The following PIGU variants were observed in gnomAD, a reference collection of about 807,000 sequenced individuals.
The protein encoded by PIGU is phosphatidylinositol glycan anchor biosynthesis class U.
Under a neutral mutation model 49.9 loss-of-function variants are expected in PIGU, and 24 were observed. That is an observed-to-expected ratio of 0.48 (90% CI 0.35 to 0.68). The LOEUF (loss-of-function observed/expected upper bound fraction) is 0.68. PIGU is among the 30% of genes least tolerant of loss of function. The pLI is 0.01. For missense variants in PIGU, 490 were observed against 532.6 expected (o/e 0.92, Z 0.79); for synonymous variants, 220 against 205.7 (o/e 1.07, Z -0.59).
intron 5 of PIGU, among the ~76,000 whole-genome samples, chr20:34,636,869 T>C (rs1489427822): frequency 6.6e-6 from 1 of 152,126 alleles, no homozygotes; most frequent in Non-Finnish European, 1.5e-5. Flanking sequence ...TTTTCAGCAA[T>C]TACAGACAGG....
chr20:34,663,483 A>G (rs1234055209), intron 1 of PIGU, among the ~76,000 whole-genome samples: 1 of 152,098 alleles, frequency 6.6e-6, no homozygotes, highest in African/African-American at 2.4e-5. Flanking sequence ...TATCAAATAA[A>G]CAAAAACAGA....
At chr20:34,572,059 G>A (rs1041960389) in intron 11 of PIGU, among the ~76,000 whole-genome samples, 6 of 152,266 alleles carry the variant, frequency 3.9e-5, no homozygotes, top group Middle Eastern at 3.4e-3. Context: ...TGCCAAAGGC[G>A]TAAAATGCAT....
chr20:34,659,204 G>C (rs550910152), intron 1 of PIGU, among the ~76,000 whole-genome samples: 2 of 140,294 alleles, frequency 1.4e-5, no homozygotes, highest in African/African-American at 5.3e-5. Context: ...GAGGGAGGTG[G>C]GGGGGTCAGC....
chr20:34,573,727 C>A (rs1281384522), intron 11 of PIGU, among the ~76,000 whole-genome samples: 3 of 152,250 alleles, frequency 2.0e-5, no homozygotes, highest in Non-Finnish European at 4.4e-5. Context: ...CAATTGAGCC[C>A]TGCAGAATTC....
Position 34,636,260 on chromosome 20 carries a change from C to T in PIGU, c.429-1545G>A, listed in dbSNP as rs903666246. 6.0e-5 allele frequency among the ~76,000 whole-genome samples: 9 copies of T among 149,940 alleles called. No homozygotes were observed. The South Asian group carries it at 1.1e-3, about 18-fold the overall frequency. On this transcript the variant is annotated intron_variant, in intron 5 of 11. Transcript: ENST00000217446. Reference sequence around the variant, plus strand: ...CAAAGTACAAATAGAAATAAAGAATCGGCCAGGAGCAATAACTCATGCCTG... The same window carrying T: ...CAAAGTACAAATAGAAATAAAGAATTGGCCAGGAGCAATAACTCATGCCTG...
intron 6 of PIGU, among the ~76,000 whole-genome samples, chr20:34,620,282 A>G (rs1255389932): frequency 2.0e-5 from 3 of 152,026 alleles, no homozygotes; most frequent in Non-Finnish European, 4.4e-5. Context: ...ACTATTCCCA[A>G]TTTCTGAAAA....
chr20:34,660,761 A>T (rs1240418182), intron 1 of PIGU, among the ~76,000 whole-genome samples: 1 of 152,244 alleles, frequency 6.6e-6, no homozygotes, highest in Non-Finnish European at 1.5e-5. Context: ...AGTCTGAGGA[A>T]GTATCCCAGA....
At chr20:34,619,221 T>C (rs1478993409) in intron 6 of PIGU, among the ~76,000 whole-genome samples, 5 of 152,192 alleles carry the variant, frequency 3.3e-5, no homozygotes, top group African/African-American at 1.2e-4. Context: ...CTCATAAATA[T>C]GACTGTGTAG....
chr20:34,636,618 C>A (rs1985972889), intron 5 of PIGU, among the ~76,000 whole-genome samples: 1 of 152,092 alleles, frequency 6.6e-6, no homozygotes, highest in African/African-American at 2.4e-5. Flanking sequence ...GAAGGACCAC[C>A]AAATGGATAT....
intron 1 of PIGU, among the ~76,000 whole-genome samples, chr20:34,669,258 A>C (rs1366936314): frequency 6.6e-6 from 1 of 152,172 alleles, no homozygotes; most frequent in African/African-American, 2.4e-5. Context: ...AGTTTTGATC[A>C]CTGTACTATG....
Position 34,581,103 on chromosome 20 carries a change from G to C in PIGU, c.1051+445C>G, listed in dbSNP as rs529457459. On this transcript the variant is annotated intron_variant, in intron 10 of 11. Transcript: ENST00000217446. Reference sequence around the variant, plus strand: ...TACCCTATTGAACTGTGCAGACAGAGGACTTTTTCATCATCATAAAGCCCT... The same window carrying C: ...TACCCTATTGAACTGTGCAGACAGACGACTTTTTCATCATCATAAAGCCCT... 7.2e-5 allele frequency among the ~76,000 whole-genome samples: 11 copies of C among 152,280 alleles called. No individual in the cohort carries two copies. In the South Asian group the frequency reaches 1.9e-3, roughly 26 times the overall value.
intron 7 of PIGU, among the ~76,000 whole-genome samples, chr20:34,599,532 C>A (rs1984333194): frequency 6.6e-6 from 1 of 152,156 alleles, no homozygotes; most frequent in South Asian, 2.1e-4. Flanking sequence ...GAGAGTGCTG[C>A]ACTGATGGCA....
At chr20:34,636,535 C>T (rs1014993519) in intron 5 of PIGU, among the ~76,000 whole-genome samples, 4 of 152,142 alleles carry the variant, frequency 2.6e-5, no homozygotes, top group African/African-American at 7.2e-5. Flanking sequence ...CAGAGCAAGA[C>T]TCCGTCTCAA....
chr20:34,665,490 A>AC (rs1271091746), intron 1 of PIGU, among the ~76,000 whole-genome samples: 1 of 151,154 alleles, frequency 6.6e-6, no homozygotes, highest in Non-Finnish European at 1.5e-5. Flanking sequence ...GGCGTGAGCC[A>AC]CCGCGCCCGG....
intron 7 of PIGU, among the ~76,000 whole-genome samples, chr20:34,596,546 T>G (rs1390777035): frequency 2.6e-5 from 4 of 152,168 alleles, no homozygotes; most frequent in African/African-American, 9.7e-5. Context: ...TTTTGCAACT[T>G]TTCCGTAGGT....
At chr20:34,566,741 C>G (rs1206858473) in intron 11 of PIGU, among the ~76,000 whole-genome samples, 1 of 152,112 alleles carries the variant, frequency 6.6e-6, no homozygotes, top group Non-Finnish European at 1.5e-5. Flanking sequence ...AGGGGCCAGT[C>G]CTGCCTGTCA....
intron 5 of PIGU, among the ~76,000 whole-genome samples, chr20:34,636,396 T>A (rs916593437): frequency 2.0e-5 from 3 of 151,564 alleles, no homozygotes; most frequent in African/African-American, 7.3e-5. Flanking sequence ...TACAAAAAAA[T>A]ATCCAGGCGT....
At chr20:34,608,018 T>TATG (rs1890663206) in intron 7 of PIGU, among the ~76,000 whole-genome samples, 1 of 152,148 alleles carries the variant, frequency 6.6e-6, no homozygotes, top group African/African-American at 2.4e-5. Context: ...GATGATGGTC[T>TATG]ATGTATTTTT....
chr20:34,615,937 C>A, intron 7 of PIGU, 105 bp downstream of exon 7: 2 of 1,433,196 alleles, frequency 1.4e-6, no homozygotes, highest in Non-Finnish European at 9.2e-7. Context: ...TGGGAGCAAG[C>A]TTCCCACTGC....
Sources: gnomAD v4.1 joint callset for allele counts (sites outside exome capture counted in the v4.1 genomes callset) on GRCh38, gnomAD v4.1.1 for gene constraint, MANE v1.5 for transcripts, NCBI Gene and HGNC (gene_info 2026-07-23, HGNC 2026-07-21) for gene names.